FBXO25: variants seen among roughly 807,000 people sequenced by gnomAD.
FBXO25 encodes F-box only protein 25.
FBXO25 carries 45 observed loss-of-function variants against 51.9 expected under a neutral mutation model. The ratio of observed to expected loss-of-function variants is 0.87; its 90% confidence interval spans 0.68 to 1.11. FBXO25 has a LOEUF of 1.11. Among genes scored for constraint, FBXO25 ranks in the 50% most tolerant of loss-of-function variants. FBXO25 has a pLI of 0.00. For synonymous variants in FBXO25, 199 were observed against 151.0 expected, an observed-to-expected ratio of 1.32 and a Z score of -2.33; for missense variants, 507 against 428.5, an observed-to-expected ratio of 1.18 and a Z score of -1.62.
chr8:444,516 G>A (rs1025601796), intron 5 of FBXO25, among the ~76,000 whole-genome samples: 37 of 152,066 alleles, frequency 2.4e-4, no homozygotes, highest in African/African-American at 8.7e-4. Context: ...TTCCTTTGTG[G>A]CCTTCTTTAT....
intron 9 of FBXO25, among the ~76,000 whole-genome samples, chr8:465,669 T>C (rs1269259755): frequency 2.6e-5 from 4 of 152,198 alleles, no homozygotes; most frequent in African/African-American, 9.7e-5. Flanking sequence ...TTGAAGATAA[T>C]TTCATACAAT....
At chr8:412,070 A>G (rs1373506980) in intron 1 of FBXO25, among the ~76,000 whole-genome samples, 1 of 152,242 alleles carries the variant, frequency 6.6e-6, no homozygotes, top group South Asian at 2.1e-4. Context: ...AAGAACTAGC[A>G]TTTGAAGTCT....
At chr8:447,554 A>G (rs1022129368) in intron 5 of FBXO25, among the ~76,000 whole-genome samples, 1 of 152,212 alleles carries the variant, frequency 6.6e-6, no homozygotes, top group African/African-American at 2.4e-5. Flanking sequence ...AAGAGATTTT[A>G]ATGAGGTTGA....
Position 412,682 on chromosome 8 carries a change from T to C in FBXO25, c.-7-391T>C, listed in dbSNP as rs374773158. On this transcript the variant is annotated intron_variant, in intron 1 of 9. Coordinates refer to ENST00000350302, the MANE Select transcript of FBXO25 (RefSeq NM_183420.2). ...ATTCTAAGCTTCAACCAAACTGAAC[T>C]ACTTAGAGTTGCTGAACATGAATAC... Among the ~76,000 whole-genome samples, 16 of 152,348 alleles carry C rather than the reference T, an allele frequency of 1.1e-4. No homozygotes were observed. The South Asian group carries it at 2.9e-3, about 28-fold the overall frequency.
chr8:417,717 C>A (rs1200766753), intron 2 of FBXO25, among the ~76,000 whole-genome samples: 1 of 152,174 alleles, frequency 6.6e-6, no homozygotes, highest in African/African-American at 2.4e-5. Context: ...CTTGTATTTC[C>A]TGGAAGTTGT....
At chr8:414,993 A>ATG (rs1796711151) in intron 2 of FBXO25, among the ~76,000 whole-genome samples, 1 of 152,218 alleles carries the variant, frequency 6.6e-6, no homozygotes, top group South Asian at 2.1e-4. Flanking sequence ...CAGATGTTTA[A>ATG]TGTATCCTTT....
rs188162930 is a variant in FBXO25 at position 431,248 on chromosome 8, G to C, written c.135-93G>C. On this transcript the variant is annotated intron_variant, in intron 2 of 9. Transcript: ENST00000350302. ...CCTTGTGATTTCAAGCCCACAGTCT[G>C]TCACTTTGAAGTATTTATATCCTTT... 8.7e-5 allele frequency: 57 copies of C among 656,866 alleles called. No individual in the cohort carries two copies. The African/African-American group carries it at 9.5e-4, about 11-fold the overall frequency. 40.7% of individuals were successfully genotyped at this position (656,866 alleles called of 1,614,324 possible).
intron 5 of FBXO25, among the ~76,000 whole-genome samples, chr8:437,376 T>C (rs1270145808): frequency 5.9e-5 from 9 of 152,210 alleles, no homozygotes; most frequent in Non-Finnish European, 2.9e-5. Flanking sequence ...GGCTGCAGTG[T>C]TGCATGGCTG....
intron 2 of FBXO25, among the ~76,000 whole-genome samples, chr8:428,942 C>T (rs1388029185): frequency 1.3e-5 from 2 of 152,202 alleles, no homozygotes; most frequent in Non-Finnish European, 2.9e-5. Flanking sequence ...TATTCATCCA[C>T]TGATGGACAT....
Position 425,497 on chromosome 8 carries a change from T to C in FBXO25, c.135-5844T>C, listed in dbSNP as rs191931845. Among the ~76,000 whole-genome samples, 390 of 152,046 alleles carry C rather than the reference T, an allele frequency of 2.6e-3. 3 individuals are homozygous for C. The highest frequency in any genetic ancestry group is 4.6e-3 in the Non-Finnish European group (314 of 67,954). On this transcript the variant is annotated intron_variant, in intron 2 of 9. Coordinates refer to ENST00000350302, the MANE Select transcript of FBXO25 (RefSeq NM_183420.2). ...TTGGATTTACTTCTTAGTTCTATTC[T>C]TTTTCTACTTAATAATATCTGCTTT...
chr8:415,652 A>T (rs148959988), intron 2 of FBXO25, among the ~76,000 whole-genome samples: 1 of 152,178 alleles, frequency 6.6e-6, no homozygotes, highest in African/African-American at 2.4e-5. Flanking sequence ...AGTGAGTCAC[A>T]TATTGATTGG....
chr8:476,148 A>C lies in FBXO25; in HGVS notation c.*7344A>C, dbSNP rs532633335. On this transcript the variant is annotated 3_prime_UTR_variant, in exon 10 of 10. Transcript: ENST00000350302. ...TCACATTTTTTTCCTTCATTCTATT[A>C]ATGTAATAGACATTACATTTATTGA... The C allele has an allele frequency of 5.9e-5, 9 of 152,162 alleles. No individual in the cohort carries two copies. Among genetic ancestry groups the C allele is most frequent in the African/African-American group, 2.2e-4 (9 of 41,508 alleles). The allele number at this position is 152,162 out of a possible 1,614,324, so 9.4% of individuals were successfully genotyped here.
At position 432,916 on chromosome 8, in the gene FBXO25, A is replaced by G. The variant is rs1192741302; in HGVS notation, c.269A>G (p.His90Arg). 5 of 1,559,480 alleles carry G rather than the reference A, an allele frequency of 3.2e-6. No individual in the cohort carries two copies. The highest frequency in any genetic ancestry group is 2.4e-5 in the South Asian group (2 of 82,124). The stretch of plus-strand genomic sequence containing the variant: ...TATCGTGAAAAATGGATCTATGTCC[A>G]TAAAGAAAGCACAAAGGAAGTAAGT... Reference protein sequence around the residue: ...SFYREKWIYVHKESTKERHGY... With the variant: ...SFYREKWIYVRKESTKERHGY... Residue 90 changes from histidine (H) to arginine (R), a missense_variant, in exon 4 of 10, where the codon CAT becomes CGT. Physicochemically the swap from His to Arg is conservative, Grantham distance 29 (BLOSUM62 0). Transcript: ENST00000350302.
chr8:429,739 A>G (rs1427410581), intron 2 of FBXO25, among the ~76,000 whole-genome samples: 1 of 152,244 alleles, frequency 6.6e-6, no homozygotes, highest in Non-Finnish European at 1.5e-5. Flanking sequence ...TTGGTCCTCA[A>G]GTCTGACATA....
intron 5 of FBXO25, among the ~76,000 whole-genome samples, chr8:442,186 C>A (rs1798466976): frequency 6.6e-6 from 1 of 152,076 alleles, no homozygotes; most frequent in Admixed American, 6.5e-5. Flanking sequence ...ATATCCCAAG[C>A]ACCTGGCAAG....
intron 8 of FBXO25, among the ~76,000 whole-genome samples, chr8:458,785 C>G (rs544583123): frequency 1.2e-3 from 181 of 152,272 alleles, no homozygotes; most frequent in African/African-American, 4.2e-3. Context: ...AACTGAACAG[C>G]AAAGCAAGAA....
rs1585041114 is a variant in FBXO25 at position 433,728 on chromosome 8, G to A, written c.288+793G>A. 2.0e-5 allele frequency among the ~76,000 whole-genome samples: 3 copies of A among 152,160 alleles called. No individual in the cohort carries two copies. In the South Asian group the frequency reaches 6.2e-4, roughly 32 times the overall value. ...GGGGAAAATAATTTAGGGAATTACT[G>A]TCTATCGTATGTTATTTCAGGGTAA... On this transcript the variant is annotated intron_variant, in intron 4 of 9. Coordinates refer to ENST00000350302, the MANE Select transcript of FBXO25 (RefSeq NM_183420.2).
rs111249985 is a variant in FBXO25 at position 434,177 on chromosome 8, T to C, written c.288+1242T>C. 7.8e-3 allele frequency among the ~76,000 whole-genome samples: 1,194 copies of C among 152,270 alleles called. 11 individuals are homozygous for C. Among genetic ancestry groups the C allele is most frequent in the Admixed American group, 0.014 (211 of 15,292 alleles). ...GTCCCTGCACCACGTCATGTCTCCA[T>C]ACCCTCACCTGGTACAGAGCAAGTG... is the stretch of plus-strand genomic sequence containing the variant. On this transcript the variant is annotated intron_variant, in intron 4 of 9. Coordinates refer to ENST00000350302, the MANE Select transcript of FBXO25 (RefSeq NM_183420.2).
intron 6 of FBXO25, chr8:450,619 T>A (rs13340599): frequency 0.2 from 30,009 of 152,134 alleles, 4,594 homozygotes; most frequent in African/African-American, 0.43. Flanking sequence ...TGACCATTTT[T>A]AAGGCAAAAT....
Sources: gnomAD v4.1 joint callset for allele counts (sites outside exome capture counted in the v4.1 genomes callset) on GRCh38, gnomAD v4.1.1 for gene constraint, MANE v1.5 for transcripts, NCBI Gene and HGNC (gene_info 2026-07-23, HGNC 2026-07-21) for gene names.